The following GPHN variants were observed in gnomAD, a reference collection of about 807,000 sequenced individuals.
The protein encoded by GPHN is gephyrin.
Under a neutral mutation model 95.5 loss-of-function variants are expected in GPHN, and 17 were observed. The observed-to-expected ratio is 0.18, with a 90% CI of 0.12 to 0.27. The LOEUF (loss-of-function observed/expected upper bound fraction) is 0.27. Ranked by LOEUF, GPHN falls within the 10% of genes least tolerant of loss-of-function variation. The pLI is 1.00. For missense variants in GPHN, 660 were observed against 978.1 expected (o/e 0.67, Z 4.34); for synonymous variants, 320 against 322.5 (o/e 0.99, Z 0.08).
the GPHN span, chr14:67,662,912 A>AAG: frequency 7.8e-7 from 1 of 1,279,300 alleles, no homozygotes; most frequent in East Asian, 3.3e-5. Flanking sequence ...CAAAAAAAAA[A>AAG]AAAAAAAAAG....
the GPHN span, among the ~76,000 whole-genome samples, chr14:67,696,880 C>T: frequency 6.6e-6 from 1 of 152,136 alleles, no homozygotes; most frequent in African/African-American, 2.4e-5. Flanking sequence ...TTCCAATGAA[C>T]TAATATATTT....
intron 20 of GPHN, among the ~76,000 whole-genome samples, 194 bp from the exon 21 acceptor site, chr14:67,168,739 C>T (rs928021322): frequency 1.3e-5 from 2 of 152,052 alleles, no homozygotes; most frequent in Non-Finnish European, 1.5e-5. Context: ...TACTGAAAGA[C>T]GCAAATGTTT....
chr14:67,241,384 G>T, the GPHN span: 4 of 154,514 alleles, frequency 2.6e-5, no homozygotes, highest in South Asian at 7.2e-4. Context: ...GCAGGCGGTG[G>T]GGCGGGGGCG....
At chr14:67,519,675 A>G in the GPHN span, among the ~76,000 whole-genome samples, 2 of 151,902 alleles carry the variant, frequency 1.3e-5, no homozygotes, top group African/African-American at 4.8e-5. Context: ...AGCAAGCAGC[A>G]TAGGGAATTT....
At position 67,001,679 on chromosome 14, in the gene GPHN, G is replaced by A. The variant is rs1419047933; in HGVS notation, c.964-21954G>A. 2.6e-5 allele frequency among the ~76,000 whole-genome samples: 4 copies of A among 151,558 alleles called. No individual in the cohort carries two copies. The East Asian group carries it at 7.7e-4, about 29-fold the overall frequency. On this transcript the variant is annotated intron_variant, in intron 9 of 22. Coordinates refer to ENST00000478722, the MANE Select transcript of GPHN (RefSeq NM_020806.5). ...TACTTCGGATACATAAATGAACTTT[G>A]TTGCCACGTCTACTTTAAAATCCTG...
the GPHN span, among the ~76,000 whole-genome samples, chr14:67,267,372 C>T: frequency 6.6e-6 from 1 of 152,128 alleles, no homozygotes; most frequent in Non-Finnish European, 1.5e-5. Flanking sequence ...GATTCTCCTG[C>T]CTCCCCCTCC....
At chr14:67,692,467 A>T in the GPHN span, 6 of 1,614,150 alleles carry the variant, frequency 3.7e-6, no homozygotes, top group Non-Finnish European at 5.1e-6. Context: ...AAAAGCTCGA[A>T]TAGACTTAGT....
chr14:67,329,537 GGCATCCCTGTCTT>G, the GPHN span, among the ~76,000 whole-genome samples: 1 of 152,224 alleles, frequency 6.6e-6, no homozygotes, highest in African/African-American at 2.4e-5. Flanking sequence ...GGTGAGAGAG[GGCATCCCTGTCTT>G]GCGCCAGTTT....
chr14:67,440,028 G>T, the GPHN span, among the ~76,000 whole-genome samples: 1 of 152,036 alleles, frequency 6.6e-6, no homozygotes, highest in Admixed American at 6.6e-5. Context: ...TAGAGACAGG[G>T]TTTCACCATG....
chr14:66,651,462 C>T (rs186446447), intron 1 of GPHN, among the ~76,000 whole-genome samples: 3 of 152,256 alleles, frequency 2.0e-5, no homozygotes, highest in East Asian at 1.9e-4. Context: ...TCACCTATCT[C>T]GGCTTTCAAA....
At chr14:67,412,527 T>C in the GPHN span, among the ~76,000 whole-genome samples, 1 of 152,084 alleles carries the variant, frequency 6.6e-6, no homozygotes, top group Non-Finnish European at 1.5e-5. Context: ...CCGAAACTGG[T>C]ATGGGAATTT....
At chr14:66,804,009 T>A (rs913499260) in intron 3 of GPHN, among the ~76,000 whole-genome samples, 1 of 152,140 alleles carries the variant, frequency 6.6e-6, no homozygotes, top group East Asian at 1.9e-4. Flanking sequence ...TTGGGGGTTT[T>A]TTTTGTTCTG....
At chr14:67,033,576 A>G (rs560906664) in intron 10 of GPHN, among the ~76,000 whole-genome samples, 1 of 152,100 alleles carries the variant, frequency 6.6e-6, no homozygotes, top group African/African-American at 2.4e-5. Flanking sequence ...AAAAAAAAAG[A>G]ATGCCAAAAA....
intron 2 of GPHN, among the ~76,000 whole-genome samples, chr14:66,767,239 A>C (rs1206117723): frequency 6.6e-6 from 1 of 152,008 alleles, no homozygotes; most frequent in African/African-American, 2.4e-5. Context: ...TCAGACTTCT[A>C]ATGGGAAGAG....
chr14:67,335,194 T>C, the GPHN span: 1 of 152,220 alleles, frequency 6.6e-6, no homozygotes, highest in Non-Finnish European at 1.5e-5. Flanking sequence ...TAGATAGAAA[T>C]GTCCTAAACT....
rs527700179 is a variant in GPHN at position 67,111,805 on chromosome 14, T to G, written c.1414-56T>G. On this transcript the variant is annotated intron_variant, in intron 14 of 22. Coordinates refer to ENST00000478722, the MANE Select transcript of GPHN (RefSeq NM_020806.5). Reference sequence around the variant, plus strand: ...CTGATGGTAAAAGTATCGGAGTAACTAAATTCTACTGCTCAGAAATTCTGT... The same window carrying G: ...CTGATGGTAAAAGTATCGGAGTAACGAAATTCTACTGCTCAGAAATTCTGT... The G allele has an allele frequency of 1.1e-5, 15 of 1,351,578 alleles. No homozygotes were observed. The East Asian group carries it at 3.2e-4, about 29-fold the overall frequency. The allele number at this position is 1,351,578 out of a possible 1,614,324, so 83.7% of individuals were successfully genotyped here.
chr14:67,034,562 A>G (rs1450018340), intron 10 of GPHN, among the ~76,000 whole-genome samples: 1 of 152,150 alleles, frequency 6.6e-6, no homozygotes, highest in Non-Finnish European at 1.5e-5. Flanking sequence ...CTAGATGTAA[A>G]GACACATATA....
rs144502396 is a variant in GPHN at position 66,961,776 on chromosome 14, G to A, written c.829-3415G>A. Reference sequence around the variant, plus strand: ...TACCAACAATGCTGGGTGGAACTGAGTTGTAGAATAAGAGAAACTGTTACT... The same window carrying A: ...TACCAACAATGCTGGGTGGAACTGAATTGTAGAATAAGAGAAACTGTTACT... On this transcript the variant is annotated intron_variant, in intron 8 of 22. Coordinates refer to ENST00000478722, the MANE Select transcript of GPHN (RefSeq NM_020806.5). Among the ~76,000 whole-genome samples, 77 of 150,858 alleles carry A rather than the reference G, an allele frequency of 5.1e-4. 1 individual carries two copies. In the East Asian group the frequency reaches 0.011, roughly 22 times the overall value.
chr14:67,419,209 A>C, the GPHN span, among the ~76,000 whole-genome samples: 1 of 151,866 alleles, frequency 6.6e-6, no homozygotes, highest in Non-Finnish European at 1.5e-5. Flanking sequence ...GGTTTTGCTT[A>C]TTTTGAGTGG....
Sources: allele counts gnomAD v4.1 joint callset (sites outside exome capture counted in the v4.1 genomes callset), GRCh38; gene constraint gnomAD v4.1.1; transcripts MANE v1.5; gene names NCBI Gene and HGNC (gene_info 2026-07-23, HGNC 2026-07-21).